Variants in INSL6 observed in about 807,000 individuals in gnomAD.
INSL6 encodes the protein insulin-like peptide INSL6.
A neutral mutation model predicts 9.4 loss-of-function variants in INSL6; 16 were observed. The observed-to-expected ratio is 1.70, with a 90% CI of 1.15 to 2.59. The LOEUF is 2.59. INSL6 is among the 30% of genes most tolerant of loss of function. The pLI is 0.00. For synonymous variants in INSL6, 154 were observed against 96.9 expected, an observed-to-expected ratio of 1.59 and a Z score of -3.46; for missense variants, 391 against 257.3, an observed-to-expected ratio of 1.52 and a Z score of -3.56.
the INSL6 span, among the ~76,000 whole-genome samples, chr9:5,060,943 C>G: frequency 6.6e-6 from 1 of 152,168 alleles, no homozygotes; most frequent in Non-Finnish European, 1.5e-5. Context: ...GTTGTGTCAC[C>G]AGGTCTGAAA....
At chr9:5,124,854 A>G (rs1272317926) in intron 3 of INSL6, among the ~76,000 whole-genome samples, 1 of 151,626 alleles carries the variant, frequency 6.6e-6, no homozygotes, top group Non-Finnish European at 1.5e-5. Flanking sequence ...TAGTAAGCCT[A>G]GGACTCACTT....
At chr9:5,055,718 A>C in the INSL6 span, 3 of 1,601,806 alleles carry the variant, frequency 1.9e-6, no homozygotes, top group Middle Eastern at 1.7e-4. Context: ...GTCAGTATTA[A>C]GCAAGCAAAC....
the INSL6 span, chr9:5,021,905 T>C: frequency 2.0e-6 from 2 of 1,003,800 alleles, no homozygotes; most frequent in South Asian, 3.0e-5. Flanking sequence ...AGTGCTAGGA[T>C]TACAGGTGTG....
At chr9:5,134,187 G>C (rs1442436816) in intron 2 of INSL6, among the ~76,000 whole-genome samples, 9 of 152,058 alleles carry the variant, frequency 5.9e-5, no homozygotes, top group Admixed American at 5.9e-4. Flanking sequence ...AAGAAATATG[G>C]GACTATGTGA....
chr9:5,090,535 A>T, the INSL6 span: 1 of 1,598,632 alleles, frequency 6.3e-7, no homozygotes, highest in Non-Finnish European at 8.5e-7. Flanking sequence ...GATAGATCAC[A>T]TAAAACTTCT....
At chr9:5,069,059 C>T in the INSL6 span, 6 of 1,600,374 alleles carry the variant, frequency 3.7e-6, no homozygotes, top group Non-Finnish European at 5.1e-6. Flanking sequence ...TGTTTGATTA[C>T]AAAAAATGAG....
At chr9:5,058,675 T>C in the INSL6 span, among the ~76,000 whole-genome samples, 10 of 152,152 alleles carry the variant, frequency 6.6e-5, no homozygotes, top group African/African-American at 2.2e-4. Context: ...CTACCAGGAG[T>C]ACATTCTCCA....
chr9:5,059,557 C>CT, the INSL6 span, among the ~76,000 whole-genome samples: 127 of 152,118 alleles, frequency 8.3e-4, no homozygotes, highest in Admixed American at 1.4e-3. Context: ...CTTATGCACT[C>CT]TTTTTTTGTA....
chr9:5,082,830 G>C, the INSL6 span, among the ~76,000 whole-genome samples: 1 of 152,344 alleles, frequency 6.6e-6, no homozygotes, highest in African/African-American at 2.4e-5. Context: ...CTTAAACCTT[G>C]ATTCCATACA....
chr9:5,128,412 T>A (rs1824143157), intron 3 of INSL6, among the ~76,000 whole-genome samples: 1 of 151,916 alleles, frequency 6.6e-6, no homozygotes, highest in East Asian at 1.9e-4. Flanking sequence ...TAAAGACTCC[T>A]CAAGGATTTG....
the INSL6 span, among the ~76,000 whole-genome samples, chr9:5,027,492 C>G: frequency 6.6e-6 from 1 of 152,124 alleles, no homozygotes; most frequent in African/African-American, 2.4e-5. Flanking sequence ...TACTGACTGA[C>G]CAGGGTGGTG....
downstream of INSL6, among the ~76,000 whole-genome samples, chr9:5,121,794 C>A (rs1586839964): frequency 1.3e-5 from 2 of 151,644 alleles, no homozygotes; most frequent in East Asian, 3.9e-4. Flanking sequence ...TTGTATTTAC[C>A]CTTACATAAG....
chr9:5,105,240 T>C, the INSL6 span, among the ~76,000 whole-genome samples: 1 of 152,066 alleles, frequency 6.6e-6, no homozygotes, highest in Non-Finnish European at 1.5e-5. Flanking sequence ...TGTGCAAAAA[T>C]CACAAGCATT....
At chr9:5,055,240 G>C in the INSL6 span, among the ~76,000 whole-genome samples, 1 of 151,984 alleles carries the variant, frequency 6.6e-6, no homozygotes, top group East Asian at 1.9e-4. Context: ...TTGATTTTAT[G>C]ATAATATATA....
chr9:5,111,635 G>A, the INSL6 span: 1 of 380,470 alleles, frequency 2.6e-6, no homozygotes, highest in South Asian at 2.0e-5. Flanking sequence ...GCTGGGCGGG[G>A]GCTCATGCCC....
At chr9:5,097,718 T>C in the INSL6 span, 2 of 152,220 alleles carry the variant, frequency 1.3e-5, no homozygotes, top group African/African-American at 2.4e-5. Flanking sequence ...GTAGGAGGTC[T>C]AATTGGCATT....
intron 3 of INSL6, chr9:5,132,017 A>T (rs1824302177): frequency 6.6e-6 from 1 of 152,052 alleles, no homozygotes; most frequent in South Asian, 2.1e-4. Context: ...TACTTTTATA[A>T]CTGCTTTGCA....
chr9:5,113,584 C>A, the INSL6 span: 1 of 158,672 alleles, frequency 6.3e-6, no homozygotes. Flanking sequence ...TCCCCTTGAT[C>A]CCCTGCTGCA....
At chr9:5,041,094 G>T in the INSL6 span, 1 of 720,716 alleles carries the variant, frequency 1.4e-6, no homozygotes, top group Non-Finnish European at 2.4e-6. Flanking sequence ...ACAGCCTGGA[G>T]GACCTGTTCG....
Sources: gnomAD v4.1 joint callset for allele counts (sites outside exome capture counted in the v4.1 genomes callset) on GRCh38, gnomAD v4.1.1 for gene constraint, MANE v1.5 for transcripts, NCBI Gene and HGNC (gene_info 2026-07-23, HGNC 2026-07-21) for gene names.